Variants in OPRM1 observed in about 807,000 individuals in gnomAD.
The protein encoded by OPRM1 is mu-type opioid receptor.
In OPRM1, 27 loss-of-function variants were observed where a neutral mutation model predicts 31.8. The ratio of observed to expected loss-of-function variants is 0.85; its 90% confidence interval spans 0.63 to 1.17. The LOEUF (loss-of-function observed/expected upper bound fraction) is 1.17. Among genes scored for constraint, OPRM1 ranks in the 50% most tolerant of loss-of-function variants. OPRM1 has a pLI of 0.00. For missense variants in OPRM1, 536 were observed against 511.1 expected (o/e 1.05, Z -0.47); for synonymous variants, 196 against 189.9 (o/e 1.03, Z -0.26).
rs1797137494 is a variant in OPRM1, at chr6:154,118,780, C to G, written c.*59C>G. On this transcript the variant is annotated 3_prime_UTR_variant, in exon 4 of 4. Transcript: ENST00000330432. Reference sequence around the variant, plus strand: ...TTAGAAGCCACCATGTATGTGGAAGCAGGTTGCTTCAAGAATGTGTAGGAG... The same window carrying G: ...TTAGAAGCCACCATGTATGTGGAAGGAGGTTGCTTCAAGAATGTGTAGGAG... 1 of 1,605,468 alleles carries G rather than the reference C, an allele frequency of 6.2e-7. No homozygotes were observed. Among genetic ancestry groups the G allele is most frequent in the Admixed American group, 1.7e-5 (1 of 58,848 alleles).
intron 3 of OPRM1, among the ~76,000 whole-genome samples, chr6:154,228,136 G>T (rs1779414912): frequency 1.3e-5 from 2 of 151,566 alleles, no homozygotes; most frequent in Non-Finnish European, 2.9e-5. Flanking sequence ...TTGTTGAATG[G>T]GATCCTTCTT....
intron 1 of OPRM1, among the ~76,000 whole-genome samples, chr6:154,088,822 C>A (rs1418752498): frequency 6.6e-6 from 1 of 152,186 alleles, no homozygotes; most frequent in Non-Finnish European, 1.5e-5. Flanking sequence ...GGCCTCTCTT[C>A]TTCCCCAGTC....
At position 154,127,213 on chromosome 6, in the gene OPRM1, A is replaced by G. The variant is rs2128530675; in HGVS notation, c.*8492A>G. Among the ~76,000 whole-genome samples, 1 of 152,034 alleles carries G rather than the reference A, an allele frequency of 6.6e-6. No homozygotes were observed. The highest frequency in any genetic ancestry group is 2.1e-4 in the South Asian group (1 of 4,808). ...ATTCTACACTTTTCCTACCATAGTG[A>G]TACATGTGGCTTTTCTTTGCTGTGT... On this transcript the variant is annotated 3_prime_UTR_variant, in exon 4 of 4. Transcript: ENST00000330432.
At chr6:154,214,363 G>T (rs1014179481) in intron 3 of OPRM1, 23 of 913,106 alleles carry the variant, frequency 2.5e-5, no homozygotes, top group Non-Finnish European at 4.2e-5. Context: ...ATGAAATTAG[G>T]TCATGATTCT....
At chr6:154,158,793 T>G (rs1798814040) in intron 3 of OPRM1, 1 of 152,220 alleles carries the variant, frequency 6.6e-6, no homozygotes, top group African/African-American at 2.4e-5. Flanking sequence ...AATTTGAACT[T>G]CTATAAATAT....
intron 1 of OPRM1, among the ~76,000 whole-genome samples, chr6:154,030,895 G>A (rs1303563604): frequency 3.3e-5 from 5 of 151,986 alleles, no homozygotes; most frequent in Non-Finnish European, 4.4e-5. Context: ...TTACATGAAA[G>A]CAGTCACAGA....
intron 3 of OPRM1, chr6:154,200,106 C>T: frequency 7.0e-7 from 1 of 1,419,028 alleles, no homozygotes; most frequent in Admixed American, 2.5e-5. Context: ...CATTCTCTAC[C>T]TTTTATTTTC....
chr6:154,122,118 A>G lies in OPRM1; in HGVS notation c.*3397A>G, dbSNP rs956651055. On this transcript the variant is annotated 3_prime_UTR_variant, in exon 4 of 4. Transcript: ENST00000330432. The stretch of plus-strand genomic sequence containing the variant: ...AGCCAAAGCAACCTAAGAATAGGAC[A>G]TGGTAGCTTAAGTTTTTCAGCTTCT... Among the ~76,000 whole-genome samples, 1 of 152,296 alleles carries G rather than the reference A, an allele frequency of 6.6e-6. No homozygotes were observed. The highest frequency in any genetic ancestry group is 1.9e-4 in the East Asian group (1 of 5,184).
chr6:154,198,154 T>C (rs921750147), intron 3 of OPRM1, among the ~76,000 whole-genome samples: 3 of 152,210 alleles, frequency 2.0e-5, no homozygotes, highest in Non-Finnish European at 2.9e-5. Flanking sequence ...CCCATTCTAT[T>C]TTTTGAAGAG....
At chr6:154,028,077 G>A (rs1047142927) in intron 1 of OPRM1, among the ~76,000 whole-genome samples, 1 of 152,140 alleles carries the variant, frequency 6.6e-6, no homozygotes, top group African/African-American at 2.4e-5. Flanking sequence ...ACCATGGCTG[G>A]GAACCTGCTG....
chr6:154,132,797 G>A (rs924413585), downstream of OPRM1, among the ~76,000 whole-genome samples: 2 of 152,140 alleles, frequency 1.3e-5, no homozygotes, highest in Non-Finnish European at 2.9e-5. Context: ...TTTTTGAAGT[G>A]GAAACGTCTC....
chr6:154,069,371 A>T (rs1207709640), intron 1 of OPRM1, among the ~76,000 whole-genome samples: 2 of 151,918 alleles, frequency 1.3e-5, no homozygotes, highest in African/African-American at 2.4e-5. Context: ...CCCCAGTAGC[A>T]GGGATTACAG....
intron 3 of OPRM1, among the ~76,000 whole-genome samples, chr6:154,161,367 TGCCTG>T (rs1799005939): frequency 6.6e-6 from 1 of 151,930 alleles, no homozygotes. Flanking sequence ...TGCACCACCA[TGCCTG>T]GCTAATTTTT....
Position 154,056,691 on chromosome 6 carries a change from G to A in OPRM1, c.290+16857G>A, listed in dbSNP as rs994331756. Among the ~76,000 whole-genome samples the A allele has an allele frequency of 6.6e-5, 10 of 151,940 alleles. No individual in the cohort carries two copies. In the South Asian group the frequency reaches 8.3e-4, roughly 13 times the overall value. ...TGGAAGGGAAGGCCTCTTTGTTTCC[G>A]AGCATTTTTTCACCGAAATGCTGGG... On this transcript the variant is annotated intron_variant, in intron 1 of 3. Coordinates refer to ENST00000330432, the MANE Select transcript of OPRM1 (RefSeq NM_000914.5).
chr6:154,044,755 A>G (rs1246640019), intron 1 of OPRM1, among the ~76,000 whole-genome samples: 2 of 152,254 alleles, frequency 1.3e-5, no homozygotes, highest in African/African-American at 4.8e-5. Flanking sequence ...AATGCTGACA[A>G]TATTTACTTT....
intron 2 of OPRM1, among the ~76,000 whole-genome samples, 163 bp downstream of exon 2, chr6:154,090,341 A>G (rs1791810037): frequency 6.6e-6 from 1 of 152,162 alleles, no homozygotes; most frequent in African/African-American, 2.4e-5. Flanking sequence ...AAAAATAGGA[A>G]TTTTCCTCAT....
At chr6:154,015,970 A>G (rs1024628692) in intron 1 of OPRM1, among the ~76,000 whole-genome samples, 2 of 152,016 alleles carry the variant, frequency 1.3e-5, no homozygotes, top group Non-Finnish European at 2.9e-5. Flanking sequence ...TCTGTTGTCA[A>G]ATTCATGAAG....
intron 3 of OPRM1, among the ~76,000 whole-genome samples, chr6:154,223,476 C>T (rs189754396): frequency 3.3e-5 from 5 of 152,262 alleles, no homozygotes; most frequent in African/African-American, 1.2e-4. Context: ...TGACATGACA[C>T]AGCTTAGGGA....
At chr6:154,064,047 T>A (rs1261825799) in intron 1 of OPRM1, among the ~76,000 whole-genome samples, 1 of 152,088 alleles carries the variant, frequency 6.6e-6, no homozygotes. Context: ...TGAGAAACTG[T>A]CCTACTGTTT....
Sources: gnomAD v4.1 joint callset for allele counts (sites outside exome capture counted in the v4.1 genomes callset) on GRCh38, gnomAD v4.1.1 for gene constraint, MANE v1.5 for transcripts, NCBI Gene and HGNC (gene_info 2026-07-23, HGNC 2026-07-21) for gene names.